MALRD1: variants seen among roughly 807,000 people sequenced by gnomAD.
MALRD1 encodes MAM and LDL-receptor class A domain-containing protein 1.
A neutral mutation model predicts 242.1 loss-of-function variants in MALRD1; 247 were observed. The ratio of observed to expected loss-of-function variants is 1.02; its 90% CI spans 0.92 to 1.13. The LOEUF is 1.13. MALRD1 is among the 50% of genes most tolerant of loss of function. MALRD1 has a pLI of 0.00. For missense variants in MALRD1, 2,989 were observed against 2,533.1 expected (o/e 1.18, Z -3.86); for synonymous variants, 995 against 866.6 (o/e 1.15, Z -2.60).
chr10:19,376,526 A>G (rs1242137936), intron 26 of MALRD1, among the ~76,000 whole-genome samples: 1 of 151,068 alleles, frequency 6.6e-6, no homozygotes, highest in Non-Finnish European at 1.5e-5. Context: ...TTTGAAAGTC[A>G]AGGAGTTGAT....
At chr10:19,170,907 G>A (rs1450673138) in intron 13 of MALRD1, among the ~76,000 whole-genome samples, 1 of 151,992 alleles carries the variant, frequency 6.6e-6, no homozygotes. Context: ...GGTGGCTGCT[G>A]CTCTTATTAT....
intron 29 of MALRD1, 40 bp downstream of exon 29, chr10:19,450,530 T>C (rs6415957): frequency 6.6e-7 from 1 of 1,507,260 alleles, no homozygotes; most frequent in Non-Finnish European, 8.9e-7. Flanking sequence ...AAGCACATTT[T>C]TAATCTAGCC....
At chr10:19,210,944 T>C (rs1281789802) in intron 18 of MALRD1, among the ~76,000 whole-genome samples, 1 of 152,194 alleles carries the variant, frequency 6.6e-6, no homozygotes, top group Non-Finnish European at 1.5e-5. Context: ...CCCCCATCAG[T>C]GTGGCATCGT....
chr10:19,274,281 A>G (rs1373418856), intron 19 of MALRD1, among the ~76,000 whole-genome samples: 1 of 152,176 alleles, frequency 6.6e-6, no homozygotes, highest in African/African-American at 2.4e-5. Context: ...ACAATGGAAT[A>G]TCATGCAGCC....
At chr10:19,586,599 G>A (rs1018356264) in intron 33 of MALRD1, among the ~76,000 whole-genome samples, 2 of 152,216 alleles carry the variant, frequency 1.3e-5, no homozygotes, top group Non-Finnish European at 2.9e-5. Flanking sequence ...ATCTCTAGCT[G>A]TGTACTGGGA....
chr10:19,049,355 T>C (rs986450170), intron 1 of MALRD1, among the ~76,000 whole-genome samples: 51 of 152,298 alleles, frequency 3.3e-4, no homozygotes, highest in Non-Finnish European at 6.3e-4. Context: ...TGATGGAATA[T>C]ATTTTTCAGT....
chr10:19,389,356 A>C, intron 27 of MALRD1, 96 bp from the exon 28 acceptor site: 1 of 1,294,770 alleles, frequency 7.7e-7, no homozygotes, highest in Non-Finnish European at 1.1e-6. Flanking sequence ...CTCAGATCAT[A>C]CGAATTGTAA....
chr10:19,319,784 C>T (rs1377857188), intron 21 of MALRD1, among the ~76,000 whole-genome samples: 2 of 151,948 alleles, frequency 1.3e-5, no homozygotes, highest in African/African-American at 2.4e-5. Context: ...TCCCCAAAGG[C>T]CCTGCGTAAT....
intron 33 of MALRD1, among the ~76,000 whole-genome samples, chr10:19,582,177 G>T (rs1277651595): frequency 1.3e-5 from 2 of 151,934 alleles, no homozygotes; most frequent in Non-Finnish European, 2.9e-5. Flanking sequence ...TAGGTTGCCT[G>T]TTCACTCTGA....
chr10:19,352,472 G>A (rs1378304778), intron 26 of MALRD1, among the ~76,000 whole-genome samples, 175 bp downstream of exon 26: 1 of 107,684 alleles, frequency 9.3e-6, no homozygotes, highest in Non-Finnish European at 1.9e-5. Context: ...TCATAAAAAT[G>A]TCTTCCACAT....
chr10:19,186,324 G>T (rs1429469179), intron 14 of MALRD1, among the ~76,000 whole-genome samples: 1 of 152,138 alleles, frequency 6.6e-6, no homozygotes, highest in Admixed American at 6.5e-5. Context: ...TCTGGTGAAG[G>T]CTCATCATTT....
chr10:19,586,405 G>A (rs958987717), intron 33 of MALRD1, among the ~76,000 whole-genome samples: 1 of 152,152 alleles, frequency 6.6e-6, no homozygotes, highest in African/African-American at 2.4e-5. Flanking sequence ...TGGGTTTTTG[G>A]TGTGGATGTC....
chr10:19,664,435 C>A (rs1341128958), intron 36 of MALRD1, among the ~76,000 whole-genome samples: 1 of 150,946 alleles, frequency 6.6e-6, no homozygotes, highest in African/African-American at 2.4e-5. Flanking sequence ...TCTTTTTTTT[C>A]CTCCTTCTGT....
At chr10:19,446,059 G>T (rs1470724132) in intron 28 of MALRD1, among the ~76,000 whole-genome samples, 1 of 152,170 alleles carries the variant, frequency 6.6e-6, no homozygotes, top group Non-Finnish European at 1.5e-5. Flanking sequence ...CATGAGTGAG[G>T]CTCTGTGGGC....
At chr10:19,208,250 A>G (rs1293814537) in intron 17 of MALRD1, among the ~76,000 whole-genome samples, 1 of 152,170 alleles carries the variant, frequency 6.6e-6, no homozygotes, top group Non-Finnish European at 1.5e-5. Context: ...CAGTGAGAAG[A>G]AAAGACCCAT....
At chr10:19,373,240 G>T (rs1350355601) in intron 26 of MALRD1, among the ~76,000 whole-genome samples, 3 of 109,050 alleles carry the variant, frequency 2.8e-5, no homozygotes, top group Non-Finnish European at 5.6e-5. Flanking sequence ...GGGCACGGTG[G>T]CTCATGCGTG....
intron 36 of MALRD1, among the ~76,000 whole-genome samples, chr10:19,687,968 GTTATGTTATGTT>G (rs1452764896): frequency 3.5e-5 from 4 of 114,948 alleles, no homozygotes; most frequent in Non-Finnish European, 5.5e-5. Flanking sequence ...GTTATGTTAT[GTTATGTTATGTT>G]ATTTTTGGAG....
chr10:19,387,285 C>G (rs1003585276), intron 26 of MALRD1, among the ~76,000 whole-genome samples: 44 of 129,138 alleles, frequency 3.4e-4, no homozygotes, highest in Admixed American at 5.1e-4. Flanking sequence ...TTTCCTAGAT[C>G]AATAAAGTGA....
At chr10:19,372,180 T>C (rs1448273920) in intron 26 of MALRD1, among the ~76,000 whole-genome samples, 61 of 152,160 alleles carry the variant, frequency 4.0e-4, no homozygotes, top group Admixed American at 4.0e-3. Context: ...TTAATTGCAA[T>C]ATTTATATAG....
Sources: gnomAD v4.1 joint callset for allele counts (sites outside exome capture counted in the v4.1 genomes callset) on GRCh38, gnomAD v4.1.1 for gene constraint, MANE v1.5 for transcripts, NCBI Gene and HGNC (gene_info 2026-07-23, HGNC 2026-07-21) for gene names.